The following NTM variants were observed in gnomAD, a reference collection of about 807,000 sequenced individuals.
NTM encodes the protein IgLON family member 2.
Under a neutral mutation model 42.1 loss-of-function variants are expected in NTM, and 13 were observed. The observed-to-expected ratio is 0.31, with a 90% CI of 0.20 to 0.49. The LOEUF (loss-of-function observed/expected upper bound fraction) is 0.49, where lower values mean the gene tolerates loss of function less well. Ranked by LOEUF, NTM falls within the 20% of genes least tolerant of loss-of-function variation. The pLI is 0.99. For missense variants in NTM, 373 were observed against 452.8 expected, an observed-to-expected ratio of 0.82 and a Z score of 1.60; for synonymous variants, 187 against 179.2, an observed-to-expected ratio of 1.04 and a Z score of -0.35.
At chr11:132,215,427 T>C (rs2083642196) in intron 4 of NTM, among the ~76,000 whole-genome samples, 1 of 152,210 alleles carries the variant, frequency 6.6e-6, no homozygotes, top group African/African-American at 2.4e-5. Flanking sequence ...CCTCTTTAAA[T>C]TGTGCATTTC....
chr11:131,722,899 A>T (rs1262514210), intron 1 of NTM, among the ~76,000 whole-genome samples: 1 of 152,228 alleles, frequency 6.6e-6, no homozygotes, highest in Non-Finnish European at 1.5e-5. Flanking sequence ...TACTTGGTTC[A>T]TGGAGAGGAG....
intron 1 of NTM, among the ~76,000 whole-genome samples, chr11:131,568,163 C>T (rs1003562691): frequency 6.6e-6 from 1 of 152,164 alleles, no homozygotes; most frequent in South Asian, 2.1e-4. Context: ...ATTAATTATT[C>T]ATAAATGAAC....
intron 1 of NTM, among the ~76,000 whole-genome samples, chr11:131,469,939 A>G (rs1433274768): frequency 6.6e-6 from 1 of 152,184 alleles, no homozygotes; most frequent in African/African-American, 2.4e-5. Flanking sequence ...TGGTTTGGAA[A>G]TCCTATGAAT....
At chr11:131,672,123 T>A (rs2070393777) in intron 1 of NTM, among the ~76,000 whole-genome samples, 1 of 152,244 alleles carries the variant, frequency 6.6e-6, no homozygotes, top group Non-Finnish European at 1.5e-5. Flanking sequence ...ACACCATGGG[T>A]CCGGGAGGAC....
rs537795167 is a variant in NTM at position 131,620,932 on chromosome 11, A to AAATG, written c.82+250060_82+250063dup. ...AGTAGATGTCCAATAGCTACTTCTT[A>AAATG]AATGAATGAATGAATGAATCATAAC... On this transcript the variant is annotated intron_variant, in intron 1 of 8. Transcript: ENST00000683400. Among the ~76,000 whole-genome samples the AAATG allele has an allele frequency of 1.8e-4, 27 of 152,360 alleles. No individual in the cohort carries two copies. In the East Asian group the frequency reaches 5.0e-3, roughly 28 times the overall value.
chr11:131,531,203 A>G (rs571983550), intron 1 of NTM, among the ~76,000 whole-genome samples: 27 of 152,302 alleles, frequency 1.8e-4, no homozygotes, highest in African/African-American at 6.3e-4. Flanking sequence ...TGGTGTGATT[A>G]TGGCTCACTG....
intron 2 of NTM, among the ~76,000 whole-genome samples, chr11:131,933,543 G>A (rs1313922124): frequency 6.6e-6 from 1 of 152,164 alleles, no homozygotes; most frequent in African/African-American, 2.4e-5. Flanking sequence ...TATGCAGTCA[G>A]TTTCCTTGTG....
chr11:131,661,982 T>C (rs1299896488), intron 1 of NTM: 1 of 152,152 alleles, frequency 6.6e-6, no homozygotes, highest in African/African-American at 2.4e-5. Flanking sequence ...CAGAATGAAG[T>C]GGGGGCTGGG....
chr11:131,515,587 G>A (rs7931542), intron 1 of NTM, among the ~76,000 whole-genome samples: 195 of 152,330 alleles, frequency 1.3e-3, no homozygotes, highest in African/African-American at 4.4e-3. Context: ...TTCAAGGCGA[G>A]AATTGTAAAG....
intron 1 of NTM, among the ~76,000 whole-genome samples, chr11:131,807,648 G>C (rs1162893574): frequency 2.6e-5 from 4 of 152,184 alleles, no homozygotes; most frequent in African/African-American, 9.7e-5. Context: ...AAGTGTTCAT[G>C]GTGGTTGTTG....
chr11:131,466,868 A>G (rs746153459), intron 1 of NTM, among the ~76,000 whole-genome samples: 12 of 152,176 alleles, frequency 7.9e-5, no homozygotes, highest in African/African-American at 2.4e-4. Context: ...TTGCAGACTT[A>G]TTCCTCACTC....
intron 2 of NTM, among the ~76,000 whole-genome samples, chr11:132,120,394 TA>T (rs2064598289): frequency 6.6e-6 from 1 of 152,182 alleles, no homozygotes; most frequent in Non-Finnish European, 1.5e-5. Flanking sequence ...AAACTCAGTT[TA>T]CCCGACTGAG....
intron 1 of NTM, among the ~76,000 whole-genome samples, chr11:131,893,236 G>C (rs899881257): frequency 6.6e-6 from 1 of 152,120 alleles, no homozygotes; most frequent in Non-Finnish European, 1.5e-5. Flanking sequence ...CAGCATTGCT[G>C]GCCTAAAATA....
chr11:131,903,267 G>T (rs910923016), intron 1 of NTM, among the ~76,000 whole-genome samples: 2 of 152,200 alleles, frequency 1.3e-5, no homozygotes, highest in African/African-American at 4.8e-5. Flanking sequence ...TCTCTTTATG[G>T]CTGGATGCCT....
intron 2 of NTM, among the ~76,000 whole-genome samples, chr11:132,054,268 T>G (rs1477454345): frequency 6.6e-6 from 1 of 152,180 alleles, no homozygotes; most frequent in Non-Finnish European, 1.5e-5. Context: ...AGTTTTAGCC[T>G]GCTGTCTCAA....
intron 2 of NTM, among the ~76,000 whole-genome samples, chr11:131,977,289 G>A (rs1386626069): frequency 1.3e-5 from 2 of 152,238 alleles, no homozygotes; most frequent in African/African-American, 4.8e-5. Context: ...TCAGTGCTGT[G>A]TGCTGTCACC....
chr11:131,836,567 T>C (rs893417344), intron 1 of NTM, among the ~76,000 whole-genome samples: 17 of 152,226 alleles, frequency 1.1e-4, no homozygotes, highest in African/African-American at 3.9e-4. Context: ...TATTTGAGCC[T>C]AGGAATTCAA....
intron 4 of NTM, among the ~76,000 whole-genome samples, chr11:132,244,992 G>A (rs1265062179): frequency 2.0e-5 from 3 of 152,224 alleles, no homozygotes; most frequent in African/African-American, 7.2e-5. Context: ...GTAATCTGCG[G>A]CTCTGAGTGA....
At chr11:132,118,458 A>G (rs2064216596) in intron 2 of NTM, among the ~76,000 whole-genome samples, 1 of 152,250 alleles carries the variant, frequency 6.6e-6, no homozygotes, top group African/African-American at 2.4e-5. Flanking sequence ...TGACTTTGCA[A>G]GGAAGATAAA....
Sources: gnomAD v4.1 joint callset for allele counts (sites outside exome capture counted in the v4.1 genomes callset) on GRCh38, gnomAD v4.1.1 for gene constraint, MANE v1.5 for transcripts, NCBI Gene and HGNC (gene_info 2026-07-23, HGNC 2026-07-21) for gene names.